Variants in SLCO3A1 observed in about 807,000 individuals in gnomAD.
SLCO3A1 encodes solute carrier organic anion transporter family member 3A1.
SLCO3A1 carries 27 observed loss-of-function variants against 63.1 expected under a neutral mutation model. That is an observed-to-expected ratio of 0.43 (90% CI 0.32 to 0.59). The LOEUF (loss-of-function observed/expected upper bound fraction) is 0.59, where lower values mean the gene tolerates loss of function less well. Among genes scored for constraint, SLCO3A1 ranks in the 20% least tolerant of loss-of-function variants. SLCO3A1 has a pLI of 0.09. For missense variants in SLCO3A1, 773 were observed against 945.8 expected (o/e 0.82, Z 2.40); for synonymous variants, 473 against 409.9 (o/e 1.15, Z -1.86).
At chr15:92,110,719 AG>A (rs11322700) in intron 4 of SLCO3A1, among the ~76,000 whole-genome samples, 52,141 of 152,064 alleles carry the variant, frequency 0.34, 9,747 homozygotes, top group East Asian at 0.5. Context: ...TCATGAAGGC[AG>A]GGACTGCAGT....
At chr15:92,167,545 A>T (rs1014317026), downstream of SLCO3A1, among the ~76,000 whole-genome samples, 1 of 152,214 alleles carries the variant, frequency 6.6e-6, no homozygotes, top group Non-Finnish European at 1.5e-5. Context: ...CAACAGCCGC[A>T]AGAACGTAAT....
At chr15:92,120,426 G>T in intron 4 of SLCO3A1, 39 bp from the exon 5 acceptor site, 1 of 1,602,226 alleles carries the variant, frequency 6.2e-7, no homozygotes, top group South Asian at 1.1e-5. Flanking sequence ...CACAGGGTGT[G>T]ACCTTGACCC....
Position 91,864,713 on chromosome 15 carries a change from A to G in SLCO3A1, c.180+10625A>G, listed in dbSNP as rs1347556511. Among the ~76,000 whole-genome samples the G allele has an allele frequency of 2.0e-5, 3 of 152,166 alleles. No homozygotes were observed. The East Asian group carries it at 5.8e-4, about 29-fold the overall frequency. The stretch of plus-strand genomic sequence containing the variant: ...GGCACCCAAGGCTATCAGGGGAACT[A>G]TTTTGTGTGACAAGTGACACATTTA... On this transcript the variant is annotated intron_variant, in intron 1 of 9. Coordinates refer to ENST00000318445, the MANE Select transcript of SLCO3A1 (RefSeq NM_013272.4).
chr15:91,965,505 T>C (rs1051508157), intron 2 of SLCO3A1, among the ~76,000 whole-genome samples: 1 of 152,212 alleles, frequency 6.6e-6, no homozygotes, highest in African/African-American at 2.4e-5. Flanking sequence ...CTGTTCACTT[T>C]AGAATCCAGG....
intron 2 of SLCO3A1, among the ~76,000 whole-genome samples, chr15:91,943,766 C>T (rs956748341): frequency 1.1e-4 from 17 of 152,152 alleles, no homozygotes; most frequent in Admixed American, 1.0e-3. Context: ...CACAGAATGG[C>T]CTGGGAATGT....
At chr15:92,127,192 G>T (rs573593557) in intron 6 of SLCO3A1, among the ~76,000 whole-genome samples, 1 of 152,188 alleles carries the variant, frequency 6.6e-6, no homozygotes, top group Admixed American at 6.5e-5. Flanking sequence ...GCCCCAGCCT[G>T]GCCCCGACTT....
Position 92,126,141 on chromosome 15 carries a change from G to A in SLCO3A1, c.1255G>A (p.Gly419Arg), listed in dbSNP as rs2047919289. The A allele has an allele frequency of 6.2e-7, 1 of 1,613,766 alleles. No homozygotes were observed. The highest frequency in any genetic ancestry group is 1.3e-5 in the African/African-American group (1 of 74,814). ...GAAGAAGCTCAGCCTGTCTGCCCTG[G>A]GGGCCATTCGGATGGCCATGCTCGT... is the stretch of plus-strand genomic sequence containing the variant. ...LVKKLSLSAL[G>R]AIRMAMLVNL... Residue 419 changes from glycine (G) to arginine (R), a missense_variant, in exon 6 of 10, where the codon GGG becomes AGG. Gly to Arg is a moderately radical substitution (Grantham distance 125, BLOSUM62 -2). Around this residue, in one of 3 missense-constraint regions of SLCO3A1, gnomAD observed 565 missense variants for 749.8 expected, o/e 0.75. Transcript: ENST00000318445.
chr15:92,067,993 T>A (rs2047171824), intron 2 of SLCO3A1, among the ~76,000 whole-genome samples: 1 of 152,162 alleles, frequency 6.6e-6, no homozygotes, highest in South Asian at 2.1e-4. Context: ...CTCACCCTAT[T>A]CATGAGGGCT....
intron 2 of SLCO3A1, among the ~76,000 whole-genome samples, chr15:91,932,231 C>A (rs1024077081): frequency 1.3e-5 from 2 of 152,170 alleles, no homozygotes; most frequent in African/African-American, 4.8e-5. Flanking sequence ...CTGATCAAAT[C>A]TGGCCTGAAA....
chr15:92,072,201 G>GTTT lies in SLCO3A1; in HGVS notation c.647-22680_647-22679insTTT, dbSNP rs1567103625. 1.8e-3 allele frequency among the ~76,000 whole-genome samples: 240 copies of GTTT among 131,626 alleles called. 1 individual carries two copies. The highest frequency in any genetic ancestry group is 6.3e-3 in the African/African-American group (232 of 36,938). 86.4% of individuals were successfully genotyped at this position (131,626 alleles called of 152,430 possible). A position where few individuals can be genotyped will look rare whatever the true frequency, so the allele number is the denominator to read the frequency against. On this transcript the variant is annotated intron_variant, in intron 2 of 9. Transcript: ENST00000318445. ...AAGCGTAACCACCATTCTTTTTTTT[G>GTTT]GTTTTTTTTTTTTTTCCTCACTGGC...
Position 91,948,244 on chromosome 15 carries a change from A to G in SLCO3A1, c.646+31786A>G, listed in dbSNP as rs1334851679. On this transcript the variant is annotated intron_variant, in intron 2 of 9. Transcript: ENST00000318445. This position sits in a 1 kb window ranked among gnomAD's most constrained non-coding sequence, Gnocchi z 4.8. The stretch of plus-strand genomic sequence containing the variant: ...AGCTTTTTCCACTCCTGCTTGGCGC[A>G]TGAGAATACAACCAGCTGGTCCCTC... 6.6e-6 allele frequency among the ~76,000 whole-genome samples: 1 copy of G among 152,098 alleles called. No homozygotes were observed. Among genetic ancestry groups the G allele is most frequent in the Admixed American group, 6.5e-5 (1 of 15,274 alleles).
chr15:91,931,873 A>G lies in SLCO3A1; in HGVS notation c.646+15415A>G, dbSNP rs546738031. 3.9e-5 allele frequency among the ~76,000 whole-genome samples: 6 copies of G among 152,188 alleles called. No individual in the cohort carries two copies. In the South Asian group the frequency reaches 1.2e-3, roughly 32 times the overall value. On this transcript the variant is annotated intron_variant, in intron 2 of 9. Coordinates refer to ENST00000318445, the MANE Select transcript of SLCO3A1 (RefSeq NM_013272.4). The stretch of plus-strand genomic sequence containing the variant: ...AAACAGAGATTGCTATTCATCACAC[A>G]AAAGCCAAGCATGTTCTTTTAAGAA...
At chr15:92,089,193 A>AT (rs972409300) in intron 2 of SLCO3A1, among the ~76,000 whole-genome samples, 1 of 151,714 alleles carries the variant, frequency 6.6e-6, no homozygotes, top group Middle Eastern at 3.2e-3. Context: ...CGCCCGGCTA[A>AT]TTTTTTGTAT....
At chr15:92,131,028 G>A (rs150696244) in intron 7 of SLCO3A1, among the ~76,000 whole-genome samples, 6 of 151,796 alleles carry the variant, frequency 4.0e-5, no homozygotes, top group African/African-American at 9.7e-5. Context: ...TTCCACCCAC[G>A]GCCTCAACCC....
chr15:91,857,712 C>G (rs1896959452), intron 1 of SLCO3A1, among the ~76,000 whole-genome samples: 1 of 152,064 alleles, frequency 6.6e-6, no homozygotes, highest in South Asian at 2.1e-4. Flanking sequence ...CTGAGGGTAG[C>G]CCTGCATATA....
intron 1 of SLCO3A1, among the ~76,000 whole-genome samples, chr15:91,880,173 CTAT>C (rs1897533394): frequency 2.4e-4 from 35 of 148,718 alleles, no homozygotes; most frequent in South Asian, 4.2e-4. Context: ...ATCCATCCAT[CTAT>C]CTATCTATCT....
At chr15:92,142,886 C>T (rs916896642) in intron 7 of SLCO3A1, among the ~76,000 whole-genome samples, 18 of 152,040 alleles carry the variant, frequency 1.2e-4, no homozygotes, top group African/African-American at 3.4e-4. Flanking sequence ...ATAATATAAT[C>T]GAGCCATAGC....
chr15:92,133,626 G>C (rs1429454905), intron 7 of SLCO3A1, among the ~76,000 whole-genome samples: 4 of 145,334 alleles, frequency 2.8e-5, no homozygotes, highest in African/African-American at 5.0e-5. Flanking sequence ...GCGCACGCGA[G>C]GGATCTAGGG....
In SLCO3A1 at chr15:92,165,531, C is replaced by A; in HGVS notation, c.*2396C>A. 1 of 983,802 alleles carries A rather than the reference C, an allele frequency of 1.0e-6. No individual in the cohort carries two copies. The highest frequency in any genetic ancestry group is 1.2e-6 in the Non-Finnish European group (1 of 828,712). The allele number at this position is 983,802 out of a possible 1,614,324, so 60.9% of individuals were successfully genotyped here. Reference sequence around the variant, plus strand: ...AAAAAAAAAGAAAGTTTTTTAAACTCTTTGCATTTTGGATTTTTTTTCCTA... The same window carrying A: ...AAAAAAAAAGAAAGTTTTTTAAACTATTTGCATTTTGGATTTTTTTTCCTA... On this transcript the variant is annotated 3_prime_UTR_variant, in exon 10 of 10. Transcript: ENST00000318445.
Sources: allele counts gnomAD v4.1 joint callset (sites outside exome capture counted in the v4.1 genomes callset), GRCh38; gene constraint gnomAD v4.1.1; regional missense constraint gnomAD v4.1.1; non-coding constraint Gnocchi (gnomAD v3.1); transcripts MANE v1.5; gene names NCBI Gene and HGNC (gene_info 2026-07-23, HGNC 2026-07-21).